Variants in FBXO27 observed in about 807,000 individuals in gnomAD.
FBXO27 encodes the protein F-box only protein 27.
A neutral mutation model predicts 28.3 loss-of-function variants in FBXO27; 28 were observed. The ratio of observed to expected loss-of-function variants is 0.99; its 90% CI spans 0.73 to 1.36. The LOEUF (loss-of-function observed/expected upper bound fraction) is 1.36. Ranked by LOEUF, FBXO27 falls within the 40% of genes most tolerant of loss-of-function variation. The pLI is 0.00. For synonymous variants in FBXO27, 175 were observed against 167.3 expected (o/e 1.05, Z -0.36); for missense variants, 388 against 394.1 (o/e 0.98, Z 0.13).
chr19:39,026,952 A>G lies in FBXO27; in HGVS notation c.626T>C (p.Leu209Pro). Residue 209 changes from leucine (L) to proline (P), a missense_variant, in exon 5 of 6, where the codon CTA becomes CCA. Transcript: ENST00000292853. ...GCMYRLLVQL[L>P]DANQTVLDKF... is the part of the protein sequence containing the mutation. ...ATCTAGAACAGTCTGGTTGGCGTCT[A>G]GAAGTTGGACGAGGAGTCTGTACAT... 6.2e-7 allele frequency: 1 copy of G among 1,614,212 alleles called. No individual in the cohort carries two copies. The highest frequency in any genetic ancestry group is 8.5e-7 in the Non-Finnish European group (1 of 1,180,038).
At chr19:39,006,732 A>G (rs1975736706) in intron 2 of FBXO27, among the ~76,000 whole-genome samples, 1 of 152,090 alleles carries the variant, frequency 6.6e-6, no homozygotes. Context: ...TGATCTGAAC[A>G]GTGTTCAGGG....
At chr19:39,026,267 C>G (rs2072872413) in intron 5 of FBXO27, among the ~76,000 whole-genome samples, 1 of 152,030 alleles carries the variant, frequency 6.6e-6, no homozygotes, top group Non-Finnish European at 1.5e-5. Flanking sequence ...CAGAGAGATC[C>G]CATGGAGAAG....
In FBXO27 at chr19:39,032,102, G is replaced by T. The variant is rs1199236776; in HGVS notation, c.126C>A (p.Pro42=). ...GGCAGCGCCCGAGCAGCGTGCGCGG[G>T]GGGACGTGGCTCAGCACCACCAGAA... ...ELLLVVLSHV[P]PRTLLGRCRQ... The change falls in exon 2 of 6, where the codon CCC becomes CCA. Residue 42 remains proline, a synonymous_variant. Transcript: ENST00000292853. The surrounding 1 kb of genome is among the most constrained non-coding windows in gnomAD (Gnocchi z 4.7). 5 of 1,531,628 alleles carry T rather than the reference G, an allele frequency of 3.3e-6. No homozygotes were observed. In the Admixed American group the frequency reaches 8.5e-5, roughly 26 times the overall value. The allele number at this position is 1,531,628 out of a possible 1,614,324, so 94.9% of individuals were successfully genotyped here.
Position 39,032,100 on chromosome 19 carries a change from G to C in FBXO27, c.128C>G (p.Pro43Arg). Residue 43 changes from proline (P) to arginine (R), a missense_variant, in exon 2 of 6, where the codon CCG becomes CGG. Transcript: ENST00000292853. This position sits in a 1 kb window ranked among gnomAD's most constrained non-coding sequence, Gnocchi z 4.7. Reference protein sequence around the residue: ...LLLVVLSHVPPRTLLGRCRQV... With the variant: ...LLLVVLSHVPRRTLLGRCRQV... ...GCGGCAGCGCCCGAGCAGCGTGCGCGGGGGGACGTGGCTCAGCACCACCAG... is the reference window on the plus strand; with the variant it reads ...GCGGCAGCGCCCGAGCAGCGTGCGCCGGGGGACGTGGCTCAGCACCACCAG... 1 of 1,529,014 alleles carries C rather than the reference G, an allele frequency of 6.5e-7. No homozygotes were observed. The highest frequency in any genetic ancestry group is 8.7e-7 in the Non-Finnish European group (1 of 1,145,460). The allele number at this position is 1,529,014 out of a possible 1,614,324, so 94.7% of individuals were successfully genotyped here. A position where few individuals can be genotyped will look rare whatever the true frequency, so the allele number is the denominator to read the frequency against.
intron 2 of FBXO27, among the ~76,000 whole-genome samples, chr19:39,006,803 G>C (rs1312845612): frequency 3.2e-4 from 48 of 151,798 alleles, no homozygotes; most frequent in Non-Finnish European, 1.5e-5. Context: ...CCCAGGCCAG[G>C]TGCTGTGGCT....
At chr19:39,014,717 C>A (rs1013617563) in intron 1 of FBXO27, among the ~76,000 whole-genome samples, 12 of 148,220 alleles carry the variant, frequency 8.1e-5, no homozygotes, top group African/African-American at 1.2e-4. Context: ...CAGAGTAAGA[C>A]CCTGTCTAAA....
At chr19:39,006,812 C>G (rs1412898106) in intron 2 of FBXO27, among the ~76,000 whole-genome samples, 1 of 151,860 alleles carries the variant, frequency 6.6e-6, no homozygotes, top group Non-Finnish European at 1.5e-5. Flanking sequence ...GGTGCTGTGG[C>G]TCATGCCTAT....
downstream of FBXO27, among the ~76,000 whole-genome samples, chr19:39,021,740 G>A (rs2072846014): frequency 6.6e-6 from 1 of 151,850 alleles, no homozygotes; most frequent in Non-Finnish European, 1.5e-5. Flanking sequence ...TTGGCTCACT[G>A]CAACCTCTGC....
At position 39,032,376 on chromosome 19, in the gene FBXO27, C is replaced by G. The variant is rs995812609; in HGVS notation, c.-26-123G>C. 3 of 1,158,942 alleles carry G rather than the reference C, an allele frequency of 2.6e-6. No individual in the cohort carries two copies. Among genetic ancestry groups the G allele is most frequent in the African/African-American group, 3.3e-5 (2 of 60,150 alleles). The allele number at this position is 1,158,942 out of a possible 1,614,324, so 71.8% of individuals were successfully genotyped here. On this transcript the variant is annotated intron_variant, in intron 1 of 5. Coordinates refer to ENST00000292853, the MANE Select transcript of FBXO27 (RefSeq NM_178820.5). The surrounding 1 kb of genome is among the most constrained non-coding windows in gnomAD (Gnocchi z 4.7). ...CCATCCCTGGGCCCCGTCCCCAAGT[C>G]CCCATCCCCCAGCCCGTCCTTGATA...
chr19:39,028,376 A>C (rs2072884355), intron 4 of FBXO27, among the ~76,000 whole-genome samples: 2 of 152,302 alleles, frequency 1.3e-5, no homozygotes, highest in Non-Finnish European at 2.9e-5. Flanking sequence ...TGATTATCAC[A>C]ATCAAATAGT....
intron 1 of FBXO27, among the ~76,000 whole-genome samples, chr19:39,015,036 T>C (rs1458641752): frequency 2.5e-5 from 3 of 118,698 alleles, no homozygotes; most frequent in East Asian, 2.6e-4. Context: ...AAAAAAAAGG[T>C]TGGGGGCAGT....
Position 39,032,502 on chromosome 19 carries a change from C to A in FBXO27, c.-27+1G>T. On this transcript the variant is annotated splice_donor_variant, in intron 1 of 5. Coordinates refer to ENST00000292853, the MANE Select transcript of FBXO27 (RefSeq NM_178820.5). LOFTEE classifies it low-confidence loss of function (5UTR_SPLICE). The surrounding 1 kb of genome is among the most constrained non-coding windows in gnomAD (Gnocchi z 4.7). The stretch of plus-strand genomic sequence containing the variant: ...CACCGACACCGCACCCCAAGTCCTA[C>A]CCCGGGGCCTGGCGGCGCTCCTCGC... 2.5e-6 allele frequency: 1 copy of A among 400,358 alleles called. No individual in the cohort carries two copies. The highest frequency in any genetic ancestry group is 4.4e-6 in the Non-Finnish European group (1 of 228,980). 24.8% of individuals were successfully genotyped at this position (400,358 alleles called of 1,614,324 possible).
chr19:39,026,857 A>G lies in FBXO27; in HGVS notation c.708+13T>C, dbSNP rs1200096000. On this transcript the variant is annotated intron_variant, in intron 5 of 5. Transcript: ENST00000292853. ...CCCAGCATCCTTTCCCCAAACCCCC[A>G]TAGGAGACTCACGTGAAGGCAGGCA... is the stretch of plus-strand genomic sequence containing the variant. The G allele has an allele frequency of 7.4e-6, 12 of 1,613,956 alleles. No homozygotes were observed. Among genetic ancestry groups the G allele is most frequent in the Non-Finnish European group, 1.0e-5 (12 of 1,179,996 alleles).
chr19:39,011,827 C>CTTTTTT (rs71167612), intron 2 of FBXO27, among the ~76,000 whole-genome samples: 9 of 123,760 alleles, frequency 7.3e-5, no homozygotes, highest in African/African-American at 1.2e-4. Context: ...ATTTTCTTTT[C>CTTTTTT]TTTTTTTTTT....
chr19:39,021,136 G>A (rs1327754407), downstream of FBXO27, among the ~76,000 whole-genome samples: 3 of 152,134 alleles, frequency 2.0e-5, no homozygotes, highest in South Asian at 2.1e-4. Flanking sequence ...GGGAGCCACC[G>A]TGCCTGGCCA....
At chr19:39,020,846 T>A (rs2072841978), downstream of FBXO27, among the ~76,000 whole-genome samples, 1 of 148,878 alleles carries the variant, frequency 6.7e-6, no homozygotes, top group Middle Eastern at 3.5e-3. Context: ...ACCAGAGGAA[T>A]TAACAGAAGA....
chr19:39,016,365 T>G (rs1194546177), intron 1 of FBXO27, among the ~76,000 whole-genome samples: 2 of 151,404 alleles, frequency 1.3e-5, no homozygotes, highest in Non-Finnish European at 2.9e-5. Flanking sequence ...GAAGGGTGTG[T>G]GTGTGTGTGT....
At chr19:39,031,006 G>T in intron 4 of FBXO27, 23 bp downstream of exon 4, 2 of 1,596,776 alleles carry the variant, frequency 1.3e-6, no homozygotes, top group African/African-American at 1.3e-5. Flanking sequence ...TTAGCAAGGG[G>T]CTATTTTAAT....
In FBXO27 at chr19:39,031,336, G is replaced by C. The variant is rs1472001304; in HGVS notation, c.365-16C>G. The C allele has an allele frequency of 1.2e-6, 2 of 1,613,022 alleles. No individual in the cohort carries two copies. Among genetic ancestry groups the C allele is most frequent in the Non-Finnish European group, 1.7e-6 (2 of 1,179,248 alleles). Reference sequence around the variant, plus strand: ...CGGAGGCCTTCTGTGAAATAAAAAAGGCTTGTGCCCAAGTTCCAGTCGCCC... The same window carrying C: ...CGGAGGCCTTCTGTGAAATAAAAAACGCTTGTGCCCAAGTTCCAGTCGCCC... On this transcript the variant is annotated splice_polypyrimidine_tract_variant and intron_variant, in intron 2 of 5. Coordinates refer to ENST00000292853, the MANE Select transcript of FBXO27 (RefSeq NM_178820.5).
Sources: allele counts gnomAD v4.1 joint callset (sites outside exome capture counted in the v4.1 genomes callset), GRCh38; gene constraint gnomAD v4.1.1; non-coding constraint Gnocchi (gnomAD v3.1); transcripts MANE v1.5; gene names NCBI Gene and HGNC (gene_info 2026-07-23, HGNC 2026-07-21).